The following HIP1 variants were observed in gnomAD, a reference collection of about 807,000 sequenced individuals.
HIP1 encodes huntingtin interacting protein 1, also known as huntingtin-interacting protein 1.
HIP1 carries 65 observed loss-of-function variants against 147.6 expected under a neutral mutation model. The ratio of observed to expected loss-of-function variants is 0.44; its 90% CI spans 0.36 to 0.54. HIP1 has a LOEUF of 0.54. Ranked by LOEUF, HIP1 falls within the 20% of genes least tolerant of loss-of-function variation. The pLI, the probability that HIP1 is intolerant of heterozygous loss-of-function variation, is 0.00. For synonymous variants in HIP1, 479 were observed against 504.0 expected (o/e 0.95, Z 0.67); for missense variants, 1,061 against 1,299.6 (o/e 0.82, Z 2.82).
intron 7 of HIP1, among the ~76,000 whole-genome samples, chr7:75,574,995 T>C (rs112576605): frequency 0.015 from 2,274 of 150,916 alleles, 53 homozygotes; most frequent in African/African-American, 0.051. Context: ...TTATCTCTAC[T>C]GAAAATACAA....
At chr7:75,669,520 C>T (rs2117241355) in intron 1 of HIP1, among the ~76,000 whole-genome samples, 1 of 152,230 alleles carries the variant, frequency 6.6e-6, no homozygotes, top group Non-Finnish European at 1.5e-5. Context: ...CAAGCTTGTG[C>T]CACTGCACTC....
intron 1 of HIP1, among the ~76,000 whole-genome samples, chr7:75,604,262 G>C (rs1266535624): frequency 6.6e-6 from 1 of 152,146 alleles, no homozygotes; most frequent in Non-Finnish European, 1.5e-5. Flanking sequence ...CACATAGAAG[G>C]ACAAGAAACC....
intron 1 of HIP1, among the ~76,000 whole-genome samples, chr7:75,619,207 T>A (rs1259985668): frequency 6.6e-6 from 1 of 151,742 alleles, no homozygotes; most frequent in African/African-American, 2.4e-5. Context: ...TATGTCAGAG[T>A]CTAAGAAAAA....
intron 1 of HIP1, among the ~76,000 whole-genome samples, chr7:75,628,535 G>A (rs1554508341): frequency 7.0e-6 from 1 of 143,036 alleles, no homozygotes; most frequent in African/African-American, 2.6e-5. Context: ...CCAGACTGTA[G>A]TGGCACAATC....
chr7:75,630,590 C>A (rs782459400), intron 1 of HIP1, among the ~76,000 whole-genome samples: 1 of 152,050 alleles, frequency 6.6e-6, no homozygotes, highest in Non-Finnish European at 1.5e-5. Context: ...GTTTCATGAC[C>A]TTACCCTTTT....
At chr7:75,616,373 A>G (rs1053654945) in intron 1 of HIP1, among the ~76,000 whole-genome samples, 2 of 151,920 alleles carry the variant, frequency 1.3e-5, no homozygotes, top group Non-Finnish European at 2.9e-5. Flanking sequence ...GGGTTCATGC[A>G]ATCGTCCCAC....
chr7:75,583,819 G>A lies in HIP1; in HGVS notation c.466-1668C>T, dbSNP rs1428876519. Among the ~76,000 whole-genome samples the A allele has an allele frequency of 2.8e-5, 4 of 144,788 alleles. No homozygotes were observed. In the East Asian group the frequency reaches 8.0e-4, roughly 29 times the overall value. 95.0% of individuals were successfully genotyped at this position (144,788 alleles called of 152,430 possible). ...GTGTGTGTGTGTTTAGTAGAGATGG[G>A]GTTTCGCCACATTGGCCAGGCTGGT... On this transcript the variant is annotated intron_variant, in intron 5 of 30. Coordinates refer to ENST00000336926, the MANE Select transcript of HIP1 (RefSeq NM_005338.7).
At chr7:75,673,713 G>A (rs548283572) in intron 1 of HIP1, among the ~76,000 whole-genome samples, 2 of 151,036 alleles carry the variant, frequency 1.3e-5, no homozygotes, top group Admixed American at 6.7e-5. Context: ...GGCCAGGTGC[G>A]GTGGCTCATG....
At position 75,664,453 on chromosome 7, in the gene HIP1, T is replaced by C. The variant is rs1231014495; in HGVS notation, c.121-65206A>G. Among the ~76,000 whole-genome samples, 10 of 102,918 alleles carry C rather than the reference T, an allele frequency of 9.7e-5. 1 individual carries two copies. The highest frequency in any genetic ancestry group is 1.7e-4 in the Non-Finnish European group (9 of 51,608). The allele number at this position is 102,918 out of a possible 152,430, so 67.5% of individuals were successfully genotyped here. ...ATACATATACATACATATATACACA[T>C]ACATATGTGTGTGTGTATACGTATA... On this transcript the variant is annotated intron_variant, in intron 1 of 30. Transcript: ENST00000336926.
chr7:75,683,492 G>C (rs1224488809), intron 1 of HIP1, among the ~76,000 whole-genome samples: 1 of 152,218 alleles, frequency 6.6e-6, no homozygotes, highest in East Asian at 1.9e-4. Context: ...ACGTGTGTGT[G>C]TGTACCTGTG....
rs782200608 is a variant in HIP1 at position 75,664,068 on chromosome 7, GTA to G, written c.121-64823_121-64822del. Reference sequence around the variant, plus strand: ...TATATGTGTATATACACATATATGTGTATATACACACACATATACACACATAT... The same window carrying G: ...TATATGTGTATATACACATATATGTGTATACACACACATATACACACATAT... On this transcript the variant is annotated intron_variant, in intron 1 of 30. Transcript: ENST00000336926. 7.3e-5 allele frequency among the ~76,000 whole-genome samples: 4 copies of G among 54,850 alleles called. 1 individual carries two copies. Among genetic ancestry groups the G allele is most frequent in the Admixed American group, 2.4e-4 (1 of 4,190 alleles). The allele number at this position is 54,850 out of a possible 152,430, so 36.0% of individuals were successfully genotyped here.
In HIP1 at chr7:75,592,049, A is replaced by G; in HGVS notation, c.384+7T>C. The G allele has an allele frequency of 6.2e-7, 1 of 1,613,228 alleles. No individual in the cohort carries two copies. Among genetic ancestry groups the G allele is most frequent in the Non-Finnish European group, 8.5e-7 (1 of 1,179,134 alleles). On this transcript the variant is annotated splice_region_variant and intron_variant, in intron 4 of 30. Coordinates refer to ENST00000336926, the MANE Select transcript of HIP1 (RefSeq NM_005338.7). The stretch of plus-strand genomic sequence containing the variant: ...CAGGTGGCTCCTGAGTACATCTCCA[A>G]ACTCACCCACATCCTGCTCATGTCA...
chr7:75,582,391 T>C (rs1796089826), intron 5 of HIP1, among the ~76,000 whole-genome samples: 1 of 152,142 alleles, frequency 6.6e-6, no homozygotes, highest in Non-Finnish European at 1.5e-5. Context: ...GTATCATCAA[T>C]CATTGCTGAG....
chr7:75,538,585 T>G, intron 30 of HIP1, among the ~76,000 whole-genome samples: 1 of 143,830 alleles, frequency 7.0e-6, no homozygotes. Flanking sequence ...TTTTTTTTTT[T>G]TTTTTTTGAG....
intron 1 of HIP1, among the ~76,000 whole-genome samples, chr7:75,680,286 G>A (rs2117267963): frequency 6.6e-6 from 1 of 152,038 alleles, no homozygotes; most frequent in African/African-American, 2.4e-5. Flanking sequence ...TCAGGCAATT[G>A]CCCGCCTCGG....
intron 1 of HIP1, among the ~76,000 whole-genome samples, chr7:75,657,985 A>G (rs757363): frequency 0.41 from 62,903 of 152,104 alleles, 13,580 homozygotes; most frequent in Middle Eastern, 0.55. Flanking sequence ...GTAGTTAAAA[A>G]GAATGTGGTT....
intron 1 of HIP1, among the ~76,000 whole-genome samples, chr7:75,608,463 T>C (rs868920989): frequency 6.6e-6 from 1 of 152,188 alleles, no homozygotes; most frequent in Non-Finnish European, 1.5e-5. Context: ...GATAAGGCCA[T>C]GCGTGAAACA....
chr7:75,657,301 C>T (rs984266303), intron 1 of HIP1, among the ~76,000 whole-genome samples: 2 of 152,042 alleles, frequency 1.3e-5, no homozygotes, highest in South Asian at 2.1e-4. Context: ...GAGGCCGAGG[C>T]GGGCAGATCA....
chr7:75,632,329 T>C (rs1798255474), intron 1 of HIP1, among the ~76,000 whole-genome samples: 1 of 152,176 alleles, frequency 6.6e-6, no homozygotes, highest in African/African-American at 2.4e-5. Flanking sequence ...GAACCTCATC[T>C]TGGTGAGATA....
Sources: allele counts gnomAD v4.1 joint callset (sites outside exome capture counted in the v4.1 genomes callset), GRCh38; gene constraint gnomAD v4.1.1; transcripts MANE v1.5; gene names NCBI Gene and HGNC (gene_info 2026-07-23, HGNC 2026-07-21).